Variants in ADAM2 observed in about 807,000 individuals in gnomAD.
ADAM2 encodes the protein ADAM metallopeptidase domain 2.
Under a neutral mutation model 99.3 loss-of-function variants are expected in ADAM2, and 101 were observed. The observed-to-expected ratio is 1.02, with a 90% CI of 0.87 to 1.20. The LOEUF (loss-of-function observed/expected upper bound fraction) is 1.20. Ranked by LOEUF, ADAM2 falls within the 50% of genes most tolerant of loss-of-function variation. The pLI is 0.00. For missense variants in ADAM2, 948 were observed against 878.7 expected, an observed-to-expected ratio of 1.08 and a Z score of -1.00; for synonymous variants, 323 against 287.6, an observed-to-expected ratio of 1.12 and a Z score of -1.25.
intron 6 of ADAM2, among the ~76,000 whole-genome samples, chr8:39,812,408 A>G (rs1399984231): frequency 6.6e-6 from 1 of 152,230 alleles, no homozygotes; most frequent in Non-Finnish European, 1.5e-5. Flanking sequence ...CTTTCTTCAC[A>G]GAATTGGAAA....
At chr8:39,827,006 AG>A (rs1230990399) in intron 3 of ADAM2, among the ~76,000 whole-genome samples, 2 of 152,078 alleles carry the variant, frequency 1.3e-5, no homozygotes, top group Non-Finnish European at 2.9e-5. Context: ...ACATCTAATA[AG>A]GGGTCAAAAT....
chr8:39,805,821 T>C (rs1475469921), intron 7 of ADAM2, among the ~76,000 whole-genome samples: 1 of 152,124 alleles, frequency 6.6e-6, no homozygotes, highest in Non-Finnish European at 1.5e-5. Context: ...CAACATCACA[T>C]CTAAACATAG....
At chr8:39,820,937 A>C in intron 6 of ADAM2, 65 bp downstream of exon 6, 1 of 1,059,552 alleles carries the variant, frequency 9.4e-7, no homozygotes, top group Non-Finnish European at 1.3e-6. Flanking sequence ...TTTATCAACT[A>C]TAAATTTCAG....
rs188930637 is a variant in ADAM2, at chr8:39,746,302, C to T, written c.2174+170G>A. ...TTGGCCTCAGAAAGTGGTGGGATGA[C>T]AGGCGTGAGCCACCACCCCTGGCCA... is the stretch of plus-strand genomic sequence containing the variant. On this transcript the variant is annotated intron_variant, in intron 19 of 20. Transcript: ENST00000265708. 4.0e-3 allele frequency among the ~76,000 whole-genome samples: 612 copies of T among 152,214 alleles called. 5 individuals carry two copies. Among genetic ancestry groups the T allele is most frequent in the Non-Finnish European group, 5.7e-3 (391 of 68,016 alleles).
intron 12 of ADAM2, among the ~76,000 whole-genome samples, 191 bp from the exon 13 acceptor site, chr8:39,767,442 A>G (rs1221787507): frequency 6.6e-6 from 1 of 152,222 alleles, no homozygotes; most frequent in East Asian, 1.9e-4. Context: ...TTGCCAGACC[A>G]TGTGTTGCTC....
intron 7 of ADAM2, among the ~76,000 whole-genome samples, chr8:39,804,391 T>C (rs1804350766): frequency 6.6e-6 from 1 of 151,658 alleles, no homozygotes; most frequent in African/African-American, 2.4e-5. Flanking sequence ...ACTGAGTACA[T>C]GGAAAAGGAC....
intron 7 of ADAM2, among the ~76,000 whole-genome samples, chr8:39,805,054 T>C (rs938445901): frequency 1.8e-4 from 28 of 152,198 alleles, no homozygotes; most frequent in African/African-American, 4.6e-4. Flanking sequence ...GTAGATTTGG[T>C]GTCTGATGAG....
chr8:39,785,796 T>TAAAA (rs58429092), intron 10 of ADAM2, among the ~76,000 whole-genome samples: 9 of 122,482 alleles, frequency 7.3e-5, no homozygotes, highest in East Asian at 2.3e-4. Context: ...CTGTCTCAAA[T>TAAAA]AAAAAAAAAA....
intron 20 of ADAM2, 64 bp downstream of exon 20, chr8:39,744,766 C>A: frequency 2.7e-6 from 3 of 1,096,930 alleles, no homozygotes; most frequent in Non-Finnish European, 4.0e-6. Context: ...CAAACCTGCA[C>A]ATTCTGCACC....
chr8:39,767,241 A>G lies in ADAM2; in HGVS notation c.1223T>C (p.Leu408Pro), dbSNP rs759673514. The G allele has an allele frequency of 1.0e-5, 16 of 1,607,062 alleles. No homozygotes were observed. The South Asian group carries it at 1.0e-4, about 10-fold the overall frequency. The change falls in exon 13 of 21, where the codon CTT becomes CCT. Residue 408 changes from leucine (L) to proline (P), a missense_variant. Physicochemically the swap from Leu to Pro is moderately conservative, Grantham distance 98. Transcript: ENST00000265708. The stretch of plus-strand genomic sequence containing the variant: ...AATATCACAGCATGTTTCTCCAATA[A>G]GGGCACAATCCTGTAAGGCAAATCA... ...CDCGTEQDCA[L>P]IGETCCDIAT...
chr8:39,746,956 T>A (rs1823493125), intron 18 of ADAM2, among the ~76,000 whole-genome samples: 2 of 152,200 alleles, frequency 1.3e-5, no homozygotes, highest in Non-Finnish European at 2.9e-5. Context: ...GTTTTCCTCA[T>A]ACAATGAGTT....
intron 11 of ADAM2, among the ~76,000 whole-genome samples, chr8:39,771,925 G>GTCA (rs1483829323): frequency 1.3e-5 from 2 of 151,986 alleles, no homozygotes; most frequent in Non-Finnish European, 2.9e-5. Context: ...AATTAACATT[G>GTCA]TCATTAGAAA....
chr8:39,802,423 T>C (rs1486676696), intron 7 of ADAM2, among the ~76,000 whole-genome samples: 1 of 152,184 alleles, frequency 6.6e-6, no homozygotes, highest in Non-Finnish European at 1.5e-5. Flanking sequence ...AAGTCGGCCA[T>C]CTTGGCCCCC....
At chr8:39,797,898 T>C (rs1804037461) in intron 7 of ADAM2, among the ~76,000 whole-genome samples, 1 of 152,266 alleles carries the variant, frequency 6.6e-6, no homozygotes, top group Non-Finnish European at 1.5e-5. Context: ...TTTTGTATCC[T>C]GAGATTTTGC....
intron 7 of ADAM2, among the ~76,000 whole-genome samples, chr8:39,802,418 G>A (rs1260830759): frequency 2.0e-5 from 3 of 152,084 alleles, no homozygotes; most frequent in African/African-American, 7.2e-5. Flanking sequence ...GCTTCAAGTC[G>A]GCCATCTTGG....
chr8:39,767,684 T>G (rs1802624758), intron 12 of ADAM2, among the ~76,000 whole-genome samples: 2 of 152,190 alleles, frequency 1.3e-5, no homozygotes, highest in South Asian at 4.1e-4. Context: ...TGGTATATTG[T>G]TGATTTATTT....
chr8:39,776,125 G>A (rs1802978944), intron 11 of ADAM2, among the ~76,000 whole-genome samples: 1 of 152,124 alleles, frequency 6.6e-6, no homozygotes, highest in Non-Finnish European at 1.5e-5. Context: ...TGGACCTGCT[G>A]CAGTGCACTT....
intron 7 of ADAM2, among the ~76,000 whole-genome samples, chr8:39,800,479 T>C (rs1247621457): frequency 6.6e-6 from 1 of 152,148 alleles, no homozygotes; most frequent in Non-Finnish European, 1.5e-5. Flanking sequence ...ATTTCAACCT[T>C]GGAGAATCTG....
chr8:39,787,162 A>G, intron 9 of ADAM2, 107 bp from the exon 10 acceptor site: 1 of 602,026 alleles, frequency 1.7e-6, no homozygotes, highest in African/African-American at 1.9e-5. Context: ...TACATCTAAC[A>G]TTAATGTAAC....
Sources: gnomAD v4.1 joint callset for allele counts (sites outside exome capture counted in the v4.1 genomes callset) on GRCh38, gnomAD v4.1.1 for gene constraint, MANE v1.5 for transcripts, NCBI Gene and HGNC (gene_info 2026-07-23, HGNC 2026-07-21) for gene names.